NCMAP: variants seen among roughly 807,000 people sequenced by gnomAD.
NCMAP encodes non-compact myelin associated protein.
Under a neutral mutation model 7.8 loss-of-function variants are expected in NCMAP, and 8 were observed. That is an observed-to-expected ratio of 1.02 (90% CI 0.60 to 1.84). The LOEUF (loss-of-function observed/expected upper bound fraction) is 1.84. NCMAP is among the 40% of genes most tolerant of loss of function. The pLI is 0.00. For synonymous variants in NCMAP, 41 were observed against 52.9 expected (o/e 0.78, Z 0.98); for missense variants, 112 against 131.4 (o/e 0.85, Z 0.72).
At chr1:24,591,123 T>C (rs1238641127) in intron 1 of NCMAP, among the ~76,000 whole-genome samples, 2 of 152,194 alleles carry the variant, frequency 1.3e-5, no homozygotes, top group African/African-American at 4.8e-5. Context: ...GACCTGACAA[T>C]GAAATGTAGC....
chr1:24,597,607 AAGAAAGAAAG>A lies in NCMAP; in HGVS notation c.82+2107_82+2116del, dbSNP rs1321572061. 3.2e-4 allele frequency among the ~76,000 whole-genome samples: 30 copies of A among 94,046 alleles called. 2 individuals are homozygous for A. The highest frequency in any genetic ancestry group is 1.5e-3 in the African/African-American group (29 of 18,748). The allele number at this position is 94,046 out of a possible 152,430, so 61.7% of individuals were successfully genotyped here. On this transcript the variant is annotated intron_variant, in intron 2 of 3. Coordinates refer to ENST00000374392, the MANE Select transcript of NCMAP (RefSeq NM_001010980.5). ...AAAGAGAAGAAAGAAGAAAGAAAGAAAGAAAGAAAGAGAAAGAAAGAAAGAAAGAAAGAAA... is the reference window on the plus strand; with the variant it reads ...AAAGAGAAGAAAGAAGAAAGAAAGAAAGAAAGAAAGAAAGAAAGAAAGAAA...
At chr1:24,567,065 G>A (rs557399338) in intron 1 of NCMAP, among the ~76,000 whole-genome samples, 11 of 152,254 alleles carry the variant, frequency 7.2e-5, no homozygotes, top group African/African-American at 2.4e-4. Context: ...TCCAGGCCCC[G>A]AGCTCAGGGA....
intron 1 of NCMAP, among the ~76,000 whole-genome samples, chr1:24,560,637 G>C (rs35878506): frequency 6.6e-6 from 1 of 151,982 alleles, no homozygotes; most frequent in African/African-American, 2.4e-5. Flanking sequence ...CCAGCTCCTC[G>C]GGAGGCTGAG....
intron 1 of NCMAP, 26 bp from the exon 2 acceptor site, chr1:24,595,398 C>G: frequency 6.5e-7 from 1 of 1,541,188 alleles, no homozygotes; most frequent in Non-Finnish European, 9.0e-7. Context: ...TAATTTTAAA[C>G]AAAATATCTT....
At chr1:24,599,281 A>C (rs1652374237) in intron 2 of NCMAP, among the ~76,000 whole-genome samples, 1 of 30,076 alleles carries the variant, frequency 3.3e-5, no homozygotes, top group African/African-American at 1.1e-4. Flanking sequence ...ACTCCCTCTC[A>C]AAAAAAAAAA....
At chr1:24,585,458 C>T (rs908497911) in intron 1 of NCMAP, among the ~76,000 whole-genome samples, 1 of 152,168 alleles carries the variant, frequency 6.6e-6, no homozygotes, top group Non-Finnish European at 1.5e-5. Context: ...CCTCACATCC[C>T]CTGAGTCCAT....
Position 24,595,794 on chromosome 1 carries a change from C to CTTTT in NCMAP, c.82+300_82+303dup, listed in dbSNP as rs34640170. On this transcript the variant is annotated intron_variant, in intron 2 of 3. Transcript: ENST00000374392. Reference sequence around the variant, plus strand: ...AGGGCAAATGGGGACTGGACTGTGTCTTTTTTTTTTTTTTTTTTTTTGAGA... The same window carrying CTTTT: ...AGGGCAAATGGGGACTGGACTGTGTCTTTTTTTTTTTTTTTTTTTTTTTTTGAGA... Among the ~76,000 whole-genome samples the CTTTT allele has an allele frequency of 4.4e-3, 525 of 119,460 alleles. 10 individuals are homozygous for CTTTT. Among genetic ancestry groups the CTTTT allele is most frequent in the Middle Eastern group, 0.021 (4 of 190 alleles). The allele number at this position is 119,460 out of a possible 152,430, so 78.4% of individuals were successfully genotyped here.
chr1:24,603,498 T>G (rs1652580973), intron 3 of NCMAP, among the ~76,000 whole-genome samples: 1 of 152,214 alleles, frequency 6.6e-6, no homozygotes, highest in African/African-American at 2.4e-5. Context: ...GGTCGTAATC[T>G]GAATGGAGAA....
At chr1:24,600,374 G>C (rs1023954555) in intron 2 of NCMAP, among the ~76,000 whole-genome samples, 3 of 151,802 alleles carry the variant, frequency 2.0e-5, no homozygotes, top group African/African-American at 4.8e-5. Flanking sequence ...GGCTAGTCTC[G>C]AACTCCTGGG....
chr1:24,572,273 G>A lies in NCMAP; in HGVS notation c.-8+16104G>A, dbSNP rs975397289. 1.3e-5 allele frequency among the ~76,000 whole-genome samples: 2 copies of A among 150,684 alleles called. 1 individual carries two copies. The highest frequency in any genetic ancestry group is 5.0e-5 in the African/African-American group (2 of 40,032). The stretch of plus-strand genomic sequence containing the variant: ...TCACACTGAGGGCGTTCCCCCACTG[G>A]GATATGACTTGGAGGTAGAGATGGG... On this transcript the variant is annotated intron_variant, in intron 1 of 3. Transcript: ENST00000374392.
chr1:24,595,319 C>T lies in NCMAP; in HGVS notation c.-7-105C>T, dbSNP rs1652184788. ...ACTTGCTGCCAAGAGAAACTGCATG[C>T]TTGAATATTCTACAGTCATCCAGAT... On this transcript the variant is annotated intron_variant, in intron 1 of 3. Coordinates refer to ENST00000374392, the MANE Select transcript of NCMAP (RefSeq NM_001010980.5). 1.9e-5 allele frequency: 14 copies of T among 722,106 alleles called. No homozygotes were observed. In the South Asian group the frequency reaches 2.3e-4, roughly 12 times the overall value. 44.7% of individuals were successfully genotyped at this position (722,106 alleles called of 1,614,324 possible).
chr1:24,604,936 G>A (rs1329123769), intron 3 of NCMAP, among the ~76,000 whole-genome samples: 1 of 151,484 alleles, frequency 6.6e-6, no homozygotes, highest in Admixed American at 6.6e-5. Context: ...CCAACATGTT[G>A]AAACCCCATC....
intron 1 of NCMAP, among the ~76,000 whole-genome samples, chr1:24,566,767 ACTG>A (rs1327243423): frequency 6.6e-6 from 1 of 152,196 alleles, no homozygotes; most frequent in Non-Finnish European, 1.5e-5. Context: ...TAAAAAGCAC[ACTG>A]CCTCAAATCC....
rs548764711 is a variant in NCMAP, at chr1:24,572,111, A to G, written c.-8+15942A>G. 7.3e-5 allele frequency among the ~76,000 whole-genome samples: 11 copies of G among 150,600 alleles called. 1 individual carries two copies. Among genetic ancestry groups the G allele is most frequent in the African/African-American group, 2.5e-4 (10 of 39,952 alleles). ...ATTGGGACTTCATTCACCTTAGCTG[A>G]TGAGTAGCCATCCAAAGCTGGGGCA... is the stretch of plus-strand genomic sequence containing the variant. On this transcript the variant is annotated intron_variant, in intron 1 of 3. Coordinates refer to ENST00000374392, the MANE Select transcript of NCMAP (RefSeq NM_001010980.5).
chr1:24,584,033 T>G (rs570370198), intron 1 of NCMAP, among the ~76,000 whole-genome samples: 1 of 152,152 alleles, frequency 6.6e-6, no homozygotes, highest in Non-Finnish European at 1.5e-5. Context: ...AGGGTCTGCT[T>G]GAGTGTGGGC....
At chr1:24,586,528 C>A (rs1011296932) in intron 1 of NCMAP, among the ~76,000 whole-genome samples, 1 of 152,092 alleles carries the variant, frequency 6.6e-6, no homozygotes, top group African/African-American at 2.4e-5. Context: ...TTTGGGAGGC[C>A]GAGGAGGGCG....
At chr1:24,590,401 G>C (rs1373021508) in intron 1 of NCMAP, among the ~76,000 whole-genome samples, 3 of 152,106 alleles carry the variant, frequency 2.0e-5, no homozygotes, top group African/African-American at 7.2e-5. Context: ...AAAAGGAATT[G>C]TATGAAAGCC....
At chr1:24,596,667 C>T (rs1014959762) in intron 2 of NCMAP, among the ~76,000 whole-genome samples, 3 of 152,182 alleles carry the variant, frequency 2.0e-5, no homozygotes, top group Non-Finnish European at 4.4e-5. Flanking sequence ...GCCTGGGTGA[C>T]AGAGCGAGAA....
At chr1:24,603,491 C>T (rs749390736) in intron 3 of NCMAP, among the ~76,000 whole-genome samples, 3 of 152,110 alleles carry the variant, frequency 2.0e-5, no homozygotes, top group East Asian at 3.8e-4. Context: ...TTTTTTAGGT[C>T]GTAATCTGAA....
Sources: allele counts gnomAD v4.1 joint callset (sites outside exome capture counted in the v4.1 genomes callset), GRCh38; gene constraint gnomAD v4.1.1; transcripts MANE v1.5; gene names NCBI Gene and HGNC (gene_info 2026-07-23, HGNC 2026-07-21).